Variants in CELF3 observed in about 807,000 individuals in gnomAD.
The protein encoded by CELF3 is CUGBP Elav-like family member 3.
CELF3 carries 26 observed loss-of-function variants against 59.6 expected under a neutral mutation model. That is an observed-to-expected ratio of 0.44 (90% CI 0.32 to 0.61). The LOEUF is 0.61. CELF3 is among the 20% of genes least tolerant of loss of function. The pLI is 0.06. For synonymous variants in CELF3, 245 were observed against 250.7 expected (o/e 0.98, Z 0.22); for missense variants, 387 against 627.2 (o/e 0.62, Z 4.09).
chr1:151,710,502 G>A (rs140851515), intron 2 of CELF3: 1 of 360,544 alleles, frequency 2.8e-6, no homozygotes, highest in South Asian at 2.0e-5. Flanking sequence ...TATGCTGGGG[G>A]TGGAGGATTT....
chr1:151,709,889 C>T lies in CELF3; in HGVS notation c.229-98G>A. The T allele has an allele frequency of 8.6e-7, 1 of 1,162,394 alleles. No homozygotes were observed. The highest frequency in any genetic ancestry group is 1.3e-6 in the Non-Finnish European group (1 of 768,680). 72.0% of individuals were successfully genotyped at this position (1,162,394 alleles called of 1,614,324 possible). On this transcript the variant is annotated intron_variant, in intron 2 of 12. Coordinates refer to ENST00000290583, the MANE Select transcript of CELF3 (RefSeq NM_007185.7). This position sits in a 1 kb window ranked among gnomAD's most constrained non-coding sequence, Gnocchi z 4.9. ...TGCAGAGAGACTAGAGGGGCAAGCCCCAGGCCCTCTAAGTTTCTGATGGGA... is the reference window on the plus strand; with the variant it reads ...TGCAGAGAGACTAGAGGGGCAAGCCTCAGGCCCTCTAAGTTTCTGATGGGA...
rs1672072894 is a variant in CELF3, at chr1:151,701,481, A to G, written c.*1978T>C. ...TTCTTGGGATCTTTGCCTCAGGTCA[A>G]AGAACAGGTAAGAAGAGAACATCAT... is the stretch of plus-strand genomic sequence containing the variant. On this transcript the variant is annotated 3_prime_UTR_variant, in exon 13 of 13. Transcript: ENST00000290583. Among the ~76,000 whole-genome samples the G allele has an allele frequency of 6.6e-6, 1 of 152,174 alleles. No individual in the cohort carries two copies.
chr1:151,704,137 C>T (rs1255317734), intron 12 of CELF3, among the ~76,000 whole-genome samples: 5 of 151,954 alleles, frequency 3.3e-5, no homozygotes, highest in Admixed American at 6.6e-5. Context: ...TACAGGGGCC[C>T]GGAGCAGGGG....
Position 151,709,192 on chromosome 1 carries a change from G to T in CELF3, c.406+28C>A. The stretch of plus-strand genomic sequence containing the variant: ...GTGGAACAGGAAGGGGAAGGGCCCG[G>T]TGGGGAAGGGGGAAGTGGGTGGACT... On this transcript the variant is annotated intron_variant, in intron 4 of 12. Coordinates refer to ENST00000290583, the MANE Select transcript of CELF3 (RefSeq NM_007185.7). This position sits in a 1 kb window ranked among gnomAD's most constrained non-coding sequence, Gnocchi z 4.9. The T allele has an allele frequency of 6.2e-7, 1 of 1,611,332 alleles. No homozygotes were observed. The highest frequency in any genetic ancestry group is 8.5e-7 in the Non-Finnish European group (1 of 1,177,776).
rs2280474 is a variant in CELF3, at chr1:151,709,091, G to A, written c.407-14C>T. 0.13 allele frequency: 217,636 copies of A among 1,613,066 alleles called. 15,715 individuals are homozygous for A. Among genetic ancestry groups the A allele is most frequent in the African/African-American group, 0.18 (13,171 of 74,950 alleles). The stretch of plus-strand genomic sequence containing the variant: ...CGAAGGCGCAGCCTGGAGAGGTTGA[G>A]ATGGAGGAGGAGAGGGGTAAGCACC... On this transcript the variant is annotated splice_polypyrimidine_tract_variant and intron_variant, in intron 4 of 12. Transcript: ENST00000290583. This position sits in a 1 kb window ranked among gnomAD's most constrained non-coding sequence, Gnocchi z 4.9.
rs2102765835 is a variant in CELF3 at position 151,703,305 on chromosome 1, G to A, written c.*154C>T. 1 of 455,950 alleles carries A rather than the reference G, an allele frequency of 2.2e-6. No individual in the cohort carries two copies. Among genetic ancestry groups the A allele is most frequent in the Non-Finnish European group, 4.4e-6 (1 of 226,594 alleles). 28.2% of individuals were successfully genotyped at this position (455,950 alleles called of 1,614,324 possible). A position where few individuals can be genotyped will look rare whatever the true frequency, so the allele number is the denominator to read the frequency against. ...CCTTCAGAGAGGCAGGGGGGTGGGA[G>A]GGGCCGGTGTCTTGTGCCCCCGGGG... On this transcript the variant is annotated 3_prime_UTR_variant, in exon 13 of 13. Coordinates refer to ENST00000290583, the MANE Select transcript of CELF3 (RefSeq NM_007185.7).
Position 151,709,411 on chromosome 1 carries a change from C to T in CELF3, c.278-63G>A, listed in dbSNP as rs538903380. 16 of 1,606,320 alleles carry T rather than the reference C, an allele frequency of 1.0e-5. No individual in the cohort carries two copies. In the South Asian group the frequency reaches 1.4e-4, roughly 14 times the overall value. Reference sequence around the variant, plus strand: ...CCTCCTGGCTGCCTTCCCAGCCCTTCTTCCGCCCTTCCCTGGAGCTCCTAA... The same window carrying T: ...CCTCCTGGCTGCCTTCCCAGCCCTTTTTCCGCCCTTCCCTGGAGCTCCTAA... On this transcript the variant is annotated intron_variant, in intron 3 of 12. Transcript: ENST00000290583. The surrounding 1 kb of genome is among the most constrained non-coding windows in gnomAD (Gnocchi z 4.9).
Position 151,709,169 on chromosome 1 carries a change from G to A in CELF3, c.406+51C>T. 6.2e-7 allele frequency: 1 copy of A among 1,608,470 alleles called. No homozygotes were observed. Among genetic ancestry groups the A allele is most frequent in the African/African-American group, 1.3e-5 (1 of 74,964 alleles). The stretch of plus-strand genomic sequence containing the variant: ...CCGATGCCTAGGGAGTCTTGGGGGT[G>A]GAACAGGAAGGGGAAGGGCCCGGTG... On this transcript the variant is annotated intron_variant, in intron 4 of 12. Coordinates refer to ENST00000290583, the MANE Select transcript of CELF3 (RefSeq NM_007185.7). The surrounding 1 kb of genome is among the most constrained non-coding windows in gnomAD (Gnocchi z 4.9).
chr1:151,701,250 C>T lies in CELF3; in HGVS notation c.*2209G>A, dbSNP rs1027034683. On this transcript the variant is annotated 3_prime_UTR_variant, in exon 13 of 13. Coordinates refer to ENST00000290583, the MANE Select transcript of CELF3 (RefSeq NM_007185.7). ...ATCCAAGTTTTGGCTTGAGTAGGTACCTAGTGGTGCTGCTTACTAATGATG... is the reference window on the plus strand; with the variant it reads ...ATCCAAGTTTTGGCTTGAGTAGGTATCTAGTGGTGCTGCTTACTAATGATG... 6.6e-6 allele frequency: 1 copy of T among 152,040 alleles called. No homozygotes were observed. The highest frequency in any genetic ancestry group is 6.6e-5 in the Admixed American group (1 of 15,248). The allele number at this position is 152,040 out of a possible 1,614,324, so 9.4% of individuals were successfully genotyped here.
chr1:151,707,713 C>A, intron 6 of CELF3, 65 bp from the exon 7 acceptor site: 1 of 1,598,758 alleles, frequency 6.3e-7, no homozygotes. Flanking sequence ...CCTCCCAGCC[C>A]GGGGCCTTGG....
intron 12 of CELF3, among the ~76,000 whole-genome samples, 196 bp downstream of exon 12, chr1:151,704,835 G>A (rs773039980): frequency 2.0e-4 from 30 of 152,172 alleles, no homozygotes; most frequent in Non-Finnish European, 3.2e-4. Context: ...GAGAGAGAGA[G>A]AGAGAGAGTG....
In CELF3 at chr1:151,707,154, G is replaced by C; in HGVS notation, c.913C>G (p.Pro305Ala). 6.6e-7 allele frequency: 1 copy of C among 1,508,780 alleles called. No homozygotes were observed. Among genetic ancestry groups the C allele is most frequent in the Non-Finnish European group, 8.8e-7 (1 of 1,133,380 alleles). 93.5% of individuals were successfully genotyped at this position (1,508,780 alleles called of 1,614,324 possible). Reference protein sequence around the residue: ...PDALYPNGVHPYPAQSPAAPV... With the variant: ...PDALYPNGVHAYPAQSPAAPV... ...AGGCAGAGAGTCCCACCTGGGTAGGGGTGAACCCCGTTGGGATACAGAGCA... is the reference window on the plus strand; with the variant it reads ...AGGCAGAGAGTCCCACCTGGGTAGGCGTGAACCCCGTTGGGATACAGAGCA... The change falls in exon 8 of 13, where the codon CCC becomes GCC. Residue 305 changes from proline (P) to alanine (A), a missense_variant. Physicochemically the swap from Pro to Ala is conservative, Grantham distance 27. This residue lies in a region of CELF3 where 131 missense variants were observed against 153.7 expected (regional missense o/e 0.85). Transcript: ENST00000290583.
In CELF3 at chr1:151,707,298, G is replaced by A. The variant is rs557271767; in HGVS notation, c.773-4C>T. 43 of 1,569,390 alleles carry A rather than the reference G, an allele frequency of 2.7e-5. No homozygotes were observed. The highest frequency in any genetic ancestry group is 3.5e-5 in the Non-Finnish European group (41 of 1,159,502). On this transcript the variant is annotated splice_region_variant and splice_polypyrimidine_tract_variant and intron_variant, in intron 7 of 12. Coordinates refer to ENST00000290583, the MANE Select transcript of CELF3 (RefSeq NM_007185.7). ...ATGGCAGGAGGGGTGCTGGTTCCTG[G>A]GGAGGAGAAAGCGACAGGGAGAGAG...
At chr1:151,714,058 T>C (rs1170671545) in intron 2 of CELF3, among the ~76,000 whole-genome samples, 1 of 152,050 alleles carries the variant, frequency 6.6e-6, no homozygotes, top group Non-Finnish European at 1.5e-5. Context: ...GGCCCTGCTC[T>C]ACCCTGATGC....
Position 151,716,042 on chromosome 1 carries a change from G to T in CELF3, c.-22C>A. On this transcript the variant is annotated 5_prime_UTR_variant, in exon 1 of 13. Coordinates refer to ENST00000290583, the MANE Select transcript of CELF3 (RefSeq NM_007185.7). Reference sequence around the variant, plus strand: ...TCATTGAGGCGGCCCAGGAGGAGGGGCCGAGGGGAGCAGGGAGAGGCCCAA... The same window carrying T: ...TCATTGAGGCGGCCCAGGAGGAGGGTCCGAGGGGAGCAGGGAGAGGCCCAA... 1 of 1,598,368 alleles carries T rather than the reference G, an allele frequency of 6.3e-7. No homozygotes were observed. The highest frequency in any genetic ancestry group is 8.5e-7 in the Non-Finnish European group (1 of 1,171,590).
intron 7 of CELF3, 56 bp downstream of exon 7, chr1:151,707,451 C>T: frequency 1.3e-6 from 2 of 1,595,304 alleles, no homozygotes; most frequent in South Asian, 2.3e-5. Context: ...ATGCCCTGTG[C>T]CCCTCCCTAC....
Position 151,705,309 on chromosome 1 carries a change from TTTGTTGA to T in CELF3, c.1271-148_1271-142del. 1.1e-6 allele frequency: 1 copy of T among 902,438 alleles called. No individual in the cohort carries two copies. The highest frequency in any genetic ancestry group is 1.6e-6 in the Non-Finnish European group (1 of 609,364). The allele number at this position is 902,438 out of a possible 1,614,324, so 55.9% of individuals were successfully genotyped here. On this transcript the variant is annotated intron_variant, in intron 11 of 12. Transcript: ENST00000290583. This position sits in a 1 kb window ranked among gnomAD's most constrained non-coding sequence, Gnocchi z 5.1. ...GCCACATAGCAGCATTCCTTAGGAA[TTTGTTGA>T]TTGATGGGTTGAATGGATGAATCCA... is the stretch of plus-strand genomic sequence containing the variant.
intron 2 of CELF3, 44 bp downstream of exon 2, chr1:151,714,550 A>G: frequency 6.9e-7 from 1 of 1,442,496 alleles, no homozygotes; most frequent in Non-Finnish European, 9.5e-7. Context: ...TGCCACTTCT[A>G]TGGCCCTTCT....
Position 151,716,111 on chromosome 1 carries a change from C to T in CELF3, c.-91G>A, listed in dbSNP as rs1045012570. ...CAGCAAGGAGATAAGTGGTGGGGCCCGGGGGCCCAGCTGGGGCTGGCTTTC... is the reference window on the plus strand; with the variant it reads ...CAGCAAGGAGATAAGTGGTGGGGCCTGGGGGCCCAGCTGGGGCTGGCTTTC... On this transcript the variant is annotated 5_prime_UTR_variant, in exon 1 of 13. Transcript: ENST00000290583. The T allele has an allele frequency of 1.7e-5, 24 of 1,380,600 alleles. No individual in the cohort carries two copies. The highest frequency in any genetic ancestry group is 2.7e-5 in the Admixed American group (1 of 37,202). 85.5% of individuals were successfully genotyped at this position (1,380,600 alleles called of 1,614,324 possible).
Sources: allele counts gnomAD v4.1 joint callset (sites outside exome capture counted in the v4.1 genomes callset), GRCh38; gene constraint gnomAD v4.1.1; regional missense constraint gnomAD v4.1.1; non-coding constraint Gnocchi (gnomAD v3.1); transcripts MANE v1.5; gene names NCBI Gene and HGNC (gene_info 2026-07-23, HGNC 2026-07-21).